Variants in SLIT3 observed in about 807,000 individuals in gnomAD.
SLIT3 encodes slit guidance ligand 3, also known as slit homolog 3 protein.
Under a neutral mutation model 184.0 loss-of-function variants are expected in SLIT3, and 68 were observed. The observed-to-expected ratio is 0.37, with a 90% CI of 0.30 to 0.45. The LOEUF (loss-of-function observed/expected upper bound fraction) is 0.45, where lower values mean the gene tolerates loss of function less well. Ranked by LOEUF, SLIT3 falls within the 20% of genes least tolerant of loss-of-function variation. SLIT3 has a pLI of 1.00. For synonymous variants in SLIT3, 831 were observed against 828.6 expected, an observed-to-expected ratio of 1.00 and a Z score of -0.05; for missense variants, 1,707 against 2,026.0, an observed-to-expected ratio of 0.84 and a Z score of 3.02.
At chr5:168,978,142 C>T (rs1011992463) in intron 4 of SLIT3, among the ~76,000 whole-genome samples, 6 of 152,156 alleles carry the variant, frequency 3.9e-5, no homozygotes, top group African/African-American at 7.2e-5. Flanking sequence ...CCAGGCATCC[C>T]GCCTATGAGC....
At chr5:169,048,205 G>C (rs1048549248) in intron 4 of SLIT3, among the ~76,000 whole-genome samples, 1 of 152,138 alleles carries the variant, frequency 6.6e-6, no homozygotes, top group Admixed American at 6.5e-5. Context: ...TCTGACGATG[G>C]GTGGTCTTGG....
At chr5:168,997,062 C>T (rs1755537183) in intron 4 of SLIT3, among the ~76,000 whole-genome samples, 1 of 152,120 alleles carries the variant, frequency 6.6e-6, no homozygotes, top group Admixed American at 6.5e-5. Context: ...GGATCAACCG[C>T]CTCATTGATC....
At chr5:169,260,155 A>T (rs1335389787) in intron 1 of SLIT3, among the ~76,000 whole-genome samples, 2 of 147,976 alleles carry the variant, frequency 1.4e-5, no homozygotes, top group Non-Finnish European at 3.0e-5. Flanking sequence ...AAACAACTTT[A>T]AAAAAAAAAA....
chr5:168,854,759 C>T (rs1310746730), intron 5 of SLIT3, among the ~76,000 whole-genome samples: 3 of 152,198 alleles, frequency 2.0e-5, no homozygotes, highest in African/African-American at 7.2e-5. Flanking sequence ...AGGAACAGGA[C>T]AGCAGTAACC....
At chr5:168,970,618 C>T (rs1038365501) in intron 4 of SLIT3, among the ~76,000 whole-genome samples, 2 of 152,190 alleles carry the variant, frequency 1.3e-5, no homozygotes. Context: ...GTTTTATGGC[C>T]ACAGATTATA....
At chr5:169,054,755 T>C (rs879782854) in intron 4 of SLIT3, among the ~76,000 whole-genome samples, 2 of 152,232 alleles carry the variant, frequency 1.3e-5, no homozygotes, top group Non-Finnish European at 2.9e-5. Flanking sequence ...TCTGAATATT[T>C]GCTTTTCCTA....
chr5:168,993,766 T>C (rs1049280451), intron 4 of SLIT3, among the ~76,000 whole-genome samples: 17 of 152,034 alleles, frequency 1.1e-4, no homozygotes, highest in African/African-American at 4.1e-4. Flanking sequence ...ACCTTGTTCC[T>C]GGTCAGGGGC....
chr5:168,800,212 A>G (rs17070501), intron 9 of SLIT3, among the ~76,000 whole-genome samples: 16,899 of 152,224 alleles, frequency 0.11, 1,257 homozygotes, highest in African/African-American at 0.2. Context: ...TTTCAAGGTT[A>G]TGCTCTGGGC....
At chr5:169,290,022 T>G in intron 1 of SLIT3, among the ~76,000 whole-genome samples, 1 of 147,702 alleles carries the variant, frequency 6.8e-6, no homozygotes, top group East Asian at 2.1e-4. Context: ...CACTAGGGAA[T>G]ATGCTAGAAC....
chr5:169,268,160 T>A (rs1219594145), intron 1 of SLIT3, among the ~76,000 whole-genome samples: 1 of 152,188 alleles, frequency 6.6e-6, no homozygotes, highest in African/African-American at 2.4e-5. Flanking sequence ...GATGCACATT[T>A]GGGAAGGATG....
chr5:168,745,938 G>T (rs10434687), intron 20 of SLIT3, among the ~76,000 whole-genome samples: 38,821 of 151,990 alleles, frequency 0.26, 5,266 homozygotes, highest in African/African-American at 0.33. Flanking sequence ...AGATTATAAC[G>T]CGCTGGAGGC....
intron 6 of SLIT3, among the ~76,000 whole-genome samples, chr5:168,834,161 G>A (rs1034679519): frequency 1.8e-4 from 27 of 152,172 alleles, no homozygotes; most frequent in Admixed American, 1.7e-3. Context: ...CTAACCGGCT[G>A]CCGCATCTCT....
chr5:169,054,580 G>A (rs1260908674), intron 4 of SLIT3, among the ~76,000 whole-genome samples: 2 of 151,904 alleles, frequency 1.3e-5, no homozygotes, highest in African/African-American at 2.4e-5. Context: ...TTCCCAAAAC[G>A]CAACCCTAAG....
intron 12 of SLIT3, among the ~76,000 whole-genome samples, chr5:168,777,269 T>C (rs72827642): frequency 0.023 from 3,512 of 152,280 alleles, 59 homozygotes; most frequent in Non-Finnish European, 0.035. Flanking sequence ...TATTCCCTAT[T>C]GTGTCCCCTT....
At chr5:168,978,873 G>A (rs1474021886) in intron 4 of SLIT3, among the ~76,000 whole-genome samples, 1 of 151,236 alleles carries the variant, frequency 6.6e-6, no homozygotes, top group Admixed American at 6.6e-5. Context: ...AACCCTGGGA[G>A]GGTGCTGTCA....
intron 4 of SLIT3, among the ~76,000 whole-genome samples, chr5:168,885,377 C>T (rs1760154241): frequency 6.6e-6 from 1 of 152,306 alleles, no homozygotes; most frequent in African/African-American, 2.4e-5. Context: ...GAGCAGGGCT[C>T]CAGCCTGGAG....
At chr5:168,760,620 G>A (rs1473368454) in intron 16 of SLIT3, among the ~76,000 whole-genome samples, 2 of 152,240 alleles carry the variant, frequency 1.3e-5, no homozygotes, top group East Asian at 3.9e-4. Context: ...GGTCCAGGGA[G>A]GGGTCAGGGA....
chr5:168,983,547 C>T (rs1755022411), intron 4 of SLIT3, among the ~76,000 whole-genome samples: 1 of 152,192 alleles, frequency 6.6e-6, no homozygotes, highest in African/African-American at 2.4e-5. Flanking sequence ...AGGCTGATGT[C>T]CATTCTTTGC....
intron 1 of SLIT3, among the ~76,000 whole-genome samples, chr5:169,265,721 T>C (rs530923361): frequency 6.6e-6 from 1 of 152,304 alleles, no homozygotes; most frequent in Non-Finnish European, 1.5e-5. Flanking sequence ...AATGAGATGA[T>C]ACGTATAAAG....
Sources: allele counts gnomAD v4.1 joint callset (sites outside exome capture counted in the v4.1 genomes callset), GRCh38; gene constraint gnomAD v4.1.1; transcripts MANE v1.5; gene names NCBI Gene and HGNC (gene_info 2026-07-23, HGNC 2026-07-21).